Variants in CLIC2 observed in about 807,000 individuals in gnomAD.
CLIC2 encodes chloride intracellular channel protein 2.
Under a neutral mutation model 14.8 loss-of-function variants are expected in CLIC2, and 9 were observed. The ratio of observed to expected loss-of-function variants is 0.61; its 90% CI spans 0.37 to 1.06. CLIC2 has a LOEUF of 1.06. Among genes scored for constraint, CLIC2 ranks in the 50% least tolerant of loss-of-function variants. The pLI is 0.01. For missense variants in CLIC2, 148 were observed against 181.4 expected, an observed-to-expected ratio of 0.82 and a Z score of 1.06; for synonymous variants, 61 against 66.3, an observed-to-expected ratio of 0.92 and a Z score of 0.39.
Position 155,276,760 on chromosome X carries a change from A to G in CLIC2, c.*1143T>C, listed in dbSNP as rs1557315804. 3.6e-5 allele frequency: 4 copies of G among 112,437 alleles called. No individual in the cohort carries two copies. The highest frequency in any genetic ancestry group is 3.6e-4 in the South Asian group (1 of 2,765). 9.3% of individuals were successfully genotyped at this position (112,437 alleles called of 1,213,427 possible). A position where few individuals can be genotyped will look rare whatever the true frequency, so the allele number is the denominator to read the frequency against. ...CTGAAATATACTGATGACAGGATGTATCTCAAAGATTATCAACATGATTGC... is the reference window on the plus strand; with the variant it reads ...CTGAAATATACTGATGACAGGATGTGTCTCAAAGATTATCAACATGATTGC... On this transcript the variant is annotated 3_prime_UTR_variant, in exon 6 of 6. Coordinates refer to ENST00000369449, the MANE Select transcript of CLIC2 (RefSeq NM_001289.6).
At chrX:155,311,575 A>T (rs1164905828) in intron 1 of CLIC2, among the ~76,000 whole-genome samples, 2 of 111,608 alleles carry the variant, frequency 1.8e-5, no homozygotes, top group African/African-American at 6.5e-5. Context: ...GAGCCCTCCC[A>T]TGTGTTCCAA....
chrX:155,290,637 T>C, intron 3 of CLIC2: 1 of 940,637 alleles, frequency 1.1e-6, no homozygotes, highest in Non-Finnish European at 1.5e-6. Context: ...GGACTCTAAA[T>C]AGTCTCCTTC....
chrX:155,319,608 G>A (rs1442812900), intron 1 of CLIC2, among the ~76,000 whole-genome samples: 1 of 111,924 alleles, frequency 8.9e-6, no homozygotes, highest in Non-Finnish European at 1.9e-5. Context: ...AGGGCCCTGG[G>A]TTTCAAGCAC....
chrX:155,287,770 T>C (rs2074948220), intron 3 of CLIC2, among the ~76,000 whole-genome samples: 1 of 112,370 alleles, frequency 8.9e-6, no homozygotes, highest in African/African-American at 3.2e-5. Context: ...AATAGTTTTT[T>C]CTAGTTCTGT....
At position 155,312,453 on chromosome X, in the gene CLIC2, T is replaced by G. The variant is rs782447046; in HGVS notation, c.58-13308A>C. On this transcript the variant is annotated intron_variant, in intron 1 of 5. Transcript: ENST00000369449. ...TCCCCAATGCTTGTTTTTGTCAGGC[T>G]TGTCAAAGATCAGATTGTTGTAGGT... Among the ~76,000 whole-genome samples the G allele has an allele frequency of 1.2e-4, 13 of 112,134 alleles. No homozygotes were observed. In the South Asian group the frequency reaches 4.9e-3, roughly 42 times the overall value.
rs369423330 is a variant in CLIC2 at position 155,279,129 on chromosome X, C to G, written c.582+20G>C. 8.3e-7 allele frequency: 1 copy of G among 1,203,346 alleles called. No homozygotes were observed. The highest frequency in any genetic ancestry group is 1.1e-6 in the Non-Finnish European group (1 of 888,413). Reference sequence around the variant, plus strand: ...TGGCAAACCCCTCCCACCCATTCAGCCTGCCTTATAAAGACTTACTTTAAT... The same window carrying G: ...TGGCAAACCCCTCCCACCCATTCAGGCTGCCTTATAAAGACTTACTTTAAT... On this transcript the variant is annotated intron_variant, in intron 5 of 5. Transcript: ENST00000369449.
At chrX:155,286,734 T>C (rs1257017931) in intron 3 of CLIC2, among the ~76,000 whole-genome samples, 2 of 112,687 alleles carry the variant, frequency 1.8e-5, no homozygotes, top group Admixed American at 9.4e-5. Flanking sequence ...TCTCCAATGA[T>C]CACTAATGAG....
chrX:155,318,942 C>CA (rs1251693367), intron 1 of CLIC2, among the ~76,000 whole-genome samples: 1 of 111,601 alleles, frequency 9.0e-6, no homozygotes, highest in Non-Finnish European at 1.9e-5. Flanking sequence ...ACAAAGCAAA[C>CA]AAAAACATAA....
rs782604204 is a variant in CLIC2, at chrX:155,313,384, A to C, written c.58-14239T>G. Among the ~76,000 whole-genome samples, 3 of 111,474 alleles carry C rather than the reference A, an allele frequency of 2.7e-5. No homozygotes were observed. In the Admixed American group the frequency reaches 2.9e-4, roughly 11 times the overall value. On this transcript the variant is annotated intron_variant, in intron 1 of 5. Coordinates refer to ENST00000369449, the MANE Select transcript of CLIC2 (RefSeq NM_001289.6). Reference sequence around the variant, plus strand: ...TTACTGGGTATCTACCCAAAGAGATATAAATTATTTTATCATAAAGATGCA... The same window carrying C: ...TTACTGGGTATCTACCCAAAGAGATCTAAATTATTTTATCATAAAGATGCA...
intron 3 of CLIC2, among the ~76,000 whole-genome samples, chrX:155,291,774 T>C (rs1378270057): frequency 8.9e-6 from 1 of 112,541 alleles, no homozygotes; most frequent in African/African-American, 3.2e-5. Context: ...GAGATGTCAC[T>C]ACACCTGTTA....
At chrX:155,304,535 C>T (rs1253466348) in intron 1 of CLIC2, among the ~76,000 whole-genome samples, 4 of 89,372 alleles carry the variant, frequency 4.5e-5, no homozygotes, top group African/African-American at 1.2e-4. Flanking sequence ...AATGTCCTCC[C>T]GTAGCTCAGA....
chrX:155,330,062 G>C (rs1312680094), intron 1 of CLIC2, among the ~76,000 whole-genome samples: 4 of 111,233 alleles, frequency 3.6e-5, no homozygotes, highest in African/African-American at 1.3e-4. Context: ...TGTGTGTGGG[G>C]AGGTGAAGAG....
At chrX:155,329,088 A>G (rs2075148026) in intron 1 of CLIC2, among the ~76,000 whole-genome samples, 1 of 111,040 alleles carries the variant, frequency 9.0e-6, no homozygotes, top group Non-Finnish European at 1.9e-5. Flanking sequence ...CAGGCAAGCA[A>G]AGCAAAAATG....
chrX:155,292,600 C>G (rs113353269), intron 3 of CLIC2: 12,898 of 316,025 alleles, frequency 0.041, 274 homozygotes, highest in Non-Finnish European at 0.056. Flanking sequence ...GAAACCCCGT[C>G]TCTACTAAAA....
chrX:155,285,082 G>A (rs1310700927), intron 3 of CLIC2, among the ~76,000 whole-genome samples: 1 of 112,368 alleles, frequency 8.9e-6, no homozygotes, highest in Non-Finnish European at 1.9e-5. Flanking sequence ...TTCCATTAAT[G>A]TGGGTGTTTA....
chrX:155,291,380 C>T (rs1343296765), intron 3 of CLIC2: 11 of 644,674 alleles, frequency 1.7e-5, no homozygotes, highest in African/African-American at 8.7e-5. Context: ...TGGGACGTGG[C>T]GGCGGCCACT....
At chrX:155,318,622 A>T (rs1488892769) in intron 1 of CLIC2, among the ~76,000 whole-genome samples, 2 of 112,319 alleles carry the variant, frequency 1.8e-5, no homozygotes, top group African/African-American at 6.5e-5. Context: ...CAATATTGTG[A>T]AAATGACCAT....
intron 5 of CLIC2, 82 bp from the exon 6 acceptor site, chrX:155,278,146 T>C (rs981979162): frequency 1.2e-6 from 1 of 825,374 alleles, no homozygotes; most frequent in Admixed American, 2.3e-5. Flanking sequence ...GAAGTCAAGA[T>C]TATCAAAGGC....
chrX:155,287,095 T>A (rs1259093051), intron 3 of CLIC2, among the ~76,000 whole-genome samples: 1 of 112,129 alleles, frequency 8.9e-6, no homozygotes. Flanking sequence ...TTTTTGTAGT[T>A]TTGGGTTTTA....
Sources: gnomAD v4.1 joint callset for allele counts (sites outside exome capture counted in the v4.1 genomes callset) on GRCh38, gnomAD v4.1.1 for gene constraint, MANE v1.5 for transcripts, NCBI Gene and HGNC (gene_info 2026-07-23, HGNC 2026-07-21) for gene names.